Variants in WWOX observed in about 807,000 individuals in gnomAD.
The protein encoded by WWOX is WW domain-containing oxidoreductase.
A neutral mutation model predicts 46.2 loss-of-function variants in WWOX; 69 were observed. The observed-to-expected ratio is 1.49, with a 90% CI of 1.23 to 1.82. WWOX has a LOEUF of 1.82. WWOX is among the 40% of genes most tolerant of loss of function. WWOX has a pLI of 0.00. For synonymous variants in WWOX, 359 were observed against 202.6 expected, an observed-to-expected ratio of 1.77 and a Z score of -6.56; for missense variants, 919 against 542.6, an observed-to-expected ratio of 1.69 and a Z score of -6.89.
At chr16:78,723,290 C>T (rs1271756760) in intron 8 of WWOX, among the ~76,000 whole-genome samples, 5 of 152,130 alleles carry the variant, frequency 3.3e-5, no homozygotes, top group Admixed American at 2.0e-4. Flanking sequence ...TGAAAACTCC[C>T]AGCATCATGA....
intron 8 of WWOX, among the ~76,000 whole-genome samples, chr16:79,134,661 G>T (rs1195702588): frequency 6.6e-6 from 1 of 152,092 alleles, no homozygotes. Flanking sequence ...ACACATTTAG[G>T]TCGCGATTTC....
chr16:78,278,144 T>A (rs2151852281), intron 5 of WWOX, among the ~76,000 whole-genome samples: 1 of 152,320 alleles, frequency 6.6e-6, no homozygotes, highest in African/African-American at 2.4e-5. Flanking sequence ...GGTATTATAT[T>A]GCCATTTATA....
chr16:78,546,746 A>G (rs1352860269), intron 8 of WWOX, among the ~76,000 whole-genome samples: 1 of 152,186 alleles, frequency 6.6e-6, no homozygotes, highest in East Asian at 1.9e-4. Flanking sequence ...CCACACTTTG[A>G]GAAAGCTCCA....
At chr16:79,010,717 T>A (rs2047286431) in intron 8 of WWOX, among the ~76,000 whole-genome samples, 1 of 147,784 alleles carries the variant, frequency 6.8e-6, no homozygotes, top group African/African-American at 2.5e-5. Context: ...GGTTTGGCCA[T>A]GGGTACCAAG....
At chr16:78,936,575 G>A (rs1370289687) in intron 8 of WWOX, among the ~76,000 whole-genome samples, 3 of 152,228 alleles carry the variant, frequency 2.0e-5, no homozygotes, top group East Asian at 1.9e-4. Context: ...ATTCCAGGAC[G>A]TCTCAAATTT....
intron 8 of WWOX, among the ~76,000 whole-genome samples, chr16:78,807,093 A>T (rs2051061037): frequency 6.6e-6 from 1 of 152,210 alleles, no homozygotes; most frequent in African/African-American, 2.4e-5. Context: ...CCTGGTGCAG[A>T]CTGGATGCTC....
chr16:78,511,381 A>C (rs978766522), intron 8 of WWOX, among the ~76,000 whole-genome samples: 4 of 152,220 alleles, frequency 2.6e-5, no homozygotes, highest in African/African-American at 9.6e-5. Flanking sequence ...AATAATGCAC[A>C]CCAGAAACGT....
chr16:78,343,656 A>T (rs2081051804), intron 5 of WWOX, among the ~76,000 whole-genome samples: 1 of 121,130 alleles, frequency 8.3e-6, no homozygotes, highest in East Asian at 1.9e-4. Context: ...ATATTTCTGT[A>T]AATAGCACAT....
chr16:79,186,357 C>A (rs936768561), intron 8 of WWOX, among the ~76,000 whole-genome samples: 2 of 152,220 alleles, frequency 1.3e-5, no homozygotes. Context: ...AGAGAACTCT[C>A]CTTGCTCCTC....
intron 8 of WWOX, among the ~76,000 whole-genome samples, chr16:78,903,086 CAAAACTACA>C (rs2044870074): frequency 1.3e-5 from 2 of 152,116 alleles, no homozygotes; most frequent in African/African-American, 4.8e-5. Context: ...TTATTGAAAG[CAAAACTACA>C]CTCCATAGAG....
At chr16:78,126,178 CT>C (rs2033353621) in intron 4 of WWOX, among the ~76,000 whole-genome samples, 1 of 152,120 alleles carries the variant, frequency 6.6e-6, no homozygotes, top group Non-Finnish European at 1.5e-5. Flanking sequence ...TGGTTTCCAG[CT>C]TTTTAATAGC....
intron 8 of WWOX, among the ~76,000 whole-genome samples, chr16:78,451,939 C>T (rs778737693): frequency 6.6e-6 from 1 of 152,120 alleles, no homozygotes; most frequent in African/African-American, 2.4e-5. Flanking sequence ...ATTGTTGGAG[C>T]CCTTAGTTCA....
At chr16:78,943,417 C>G (rs905386404) in intron 8 of WWOX, among the ~76,000 whole-genome samples, 1 of 152,108 alleles carries the variant, frequency 6.6e-6, no homozygotes, top group Non-Finnish European at 1.5e-5. Context: ...GCCAGATAAC[C>G]CATCCAGACC....
chr16:78,365,551 G>A (rs1246006447), intron 5 of WWOX, among the ~76,000 whole-genome samples: 2 of 152,112 alleles, frequency 1.3e-5, no homozygotes, highest in African/African-American at 4.8e-5. Context: ...CATATGTGCT[G>A]TCCCCAGTAG....
intron 8 of WWOX, among the ~76,000 whole-genome samples, chr16:79,178,880 A>T (rs1327494641): frequency 1.3e-5 from 2 of 152,242 alleles, no homozygotes; most frequent in African/African-American, 2.4e-5. Flanking sequence ...CTTAAGAAAT[A>T]ACTTCATGGT....
intron 6 of WWOX, among the ~76,000 whole-genome samples, chr16:78,392,492 A>G (rs2082197614): frequency 6.6e-6 from 1 of 152,114 alleles, no homozygotes; most frequent in Non-Finnish European, 1.5e-5. Flanking sequence ...AATAAATGTC[A>G]TCTGCTTGAA....
chr16:78,745,302 C>A (rs1037623816), intron 8 of WWOX, among the ~76,000 whole-genome samples: 1 of 152,192 alleles, frequency 6.6e-6, no homozygotes, highest in African/African-American at 2.4e-5. Context: ...TCTTCCCCGC[C>A]TTCCTCCACC....
intron 8 of WWOX, among the ~76,000 whole-genome samples, chr16:79,114,777 C>G (rs769600602): frequency 2.0e-5 from 3 of 152,162 alleles, no homozygotes; most frequent in African/African-American, 7.2e-5. Context: ...GCCAAGTAAA[C>G]CAGCTGCCCC....
intron 8 of WWOX, among the ~76,000 whole-genome samples, chr16:79,160,627 G>T (rs8050958): frequency 3.9e-5 from 6 of 151,904 alleles, no homozygotes; most frequent in African/African-American, 1.5e-4. Context: ...TTTTGAAGAG[G>T]TATGGGTCAA....
Sources: gnomAD v4.1 joint callset for allele counts (sites outside exome capture counted in the v4.1 genomes callset) on GRCh38, gnomAD v4.1.1 for gene constraint, MANE v1.5 for transcripts, NCBI Gene and HGNC (gene_info 2026-07-23, HGNC 2026-07-21) for gene names.